The following PROM1 variants were observed in gnomAD, a reference collection of about 807,000 sequenced individuals.
PROM1 encodes prominin-1.
PROM1 carries 105 observed loss-of-function variants against 116.9 expected under a neutral mutation model. The observed-to-expected ratio is 0.90, with a 90% CI of 0.77 to 1.06. The LOEUF (loss-of-function observed/expected upper bound fraction) is 1.06, where lower values mean the gene tolerates loss of function less well. Among genes scored for constraint, PROM1 ranks in the 50% least tolerant of loss-of-function variants. The pLI is 0.00. For synonymous variants in PROM1, 393 were observed against 387.0 expected (o/e 1.02, Z -0.18); for missense variants, 1,122 against 1,045.2 (o/e 1.07, Z -1.01).
chr4:15,998,529 C>A lies in PROM1; in HGVS notation c.1579-41G>T, dbSNP rs376574545. 6.7e-6 allele frequency: 10 copies of A among 1,502,858 alleles called. No individual in the cohort carries two copies. In the African/African-American group the frequency reaches 1.1e-4, roughly 17 times the overall value. 93.1% of individuals were successfully genotyped at this position (1,502,858 alleles called of 1,614,324 possible). Reference sequence around the variant, plus strand: ...AAGTATTTTCGAAAAATCAGTTTTACACTAACATACATACTAATATAATAA... The same window carrying A: ...AAGTATTTTCGAAAAATCAGTTTTAAACTAACATACATACTAATATAATAA... On this transcript the variant is annotated intron_variant, in intron 14 of 27. Transcript: ENST00000447510.
chr4:16,055,147 G>A (rs1301505434), intron 2 of PROM1: 1 of 274,002 alleles, frequency 3.6e-6, no homozygotes, highest in Non-Finnish European at 7.4e-6. Context: ...CCCCAAATGA[G>A]ACATCTAAAT....
At chr4:15,988,028 C>T (rs1176904758) in intron 19 of PROM1, among the ~76,000 whole-genome samples, 1 of 152,142 alleles carries the variant, frequency 6.6e-6, no homozygotes, top group Non-Finnish European at 1.5e-5. Context: ...AGGCGTCCTC[C>T]ACCACGCCCG....
At chr4:16,022,833 T>C (rs1472882055) in intron 8 of PROM1, among the ~76,000 whole-genome samples, 4 of 152,198 alleles carry the variant, frequency 2.6e-5, no homozygotes, top group African/African-American at 9.6e-5. Context: ...TAAGTTTCTC[T>C]TTCAGGAAGG....
intron 1 of PROM1, among the ~76,000 whole-genome samples, chr4:16,078,676 C>T (rs144510068): frequency 4.6e-5 from 7 of 152,250 alleles, no homozygotes; most frequent in African/African-American, 7.2e-5. Flanking sequence ...GAAACACATA[C>T]TGTAAGAAAG....
intron 13 of PROM1, 33 bp from the exon 14 acceptor site, chr4:16,000,652 A>G: frequency 6.7e-7 from 1 of 1,500,390 alleles, no homozygotes; most frequent in Non-Finnish European, 9.1e-7. Flanking sequence ...TAATTCAACA[A>G]AGAATGATTC....
In PROM1 at chr4:16,053,619, G is replaced by A. The variant is rs528666029; in HGVS notation, c.221-14618C>T. 1.2e-4 allele frequency among the ~76,000 whole-genome samples: 19 copies of A among 152,294 alleles called. No homozygotes were observed. In the South Asian group the frequency reaches 3.9e-3, roughly 32 times the overall value. On this transcript the variant is annotated intron_variant, in intron 2 of 27. Coordinates refer to ENST00000447510, the MANE Select transcript of PROM1 (RefSeq NM_006017.3). ...AATATTCTCTAGAAATGCACGCTGTGGTGGGAGGGAAAATGACGTTATGTT... is the reference window on the plus strand; with the variant it reads ...AATATTCTCTAGAAATGCACGCTGTAGTGGGAGGGAAAATGACGTTATGTT...
chr4:16,024,013 C>T (rs28532245), intron 7 of PROM1, among the ~76,000 whole-genome samples: 9,795 of 152,170 alleles, frequency 0.064, 685 homozygotes, highest in East Asian at 0.18. Context: ...CTTTCCCTCA[C>T]GAAGGAAATG....
chr4:16,064,766 G>A (rs11939740), intron 2 of PROM1, among the ~76,000 whole-genome samples: 2,531 of 152,038 alleles, frequency 0.017, 55 homozygotes, highest in African/African-American at 0.051. Flanking sequence ...GGTGGCGGGC[G>A]CCTGTAATCC....
At chr4:16,063,952 A>G (rs2149523966) in intron 2 of PROM1, among the ~76,000 whole-genome samples, 1 of 152,298 alleles carries the variant, frequency 6.6e-6, no homozygotes, top group East Asian at 1.9e-4. Context: ...TGAGTGATGG[A>G]TAAACAGGGA....
Position 15,984,349 on chromosome 4 carries a change from C to T in PROM1, c.2287G>A (p.Glu763Lys). The change falls in exon 23 of 28, where the codon GAG (glutamate) becomes AAG (lysine). Residue 763 changes from glutamate to lysine, a missense_variant. Transcript: ENST00000447510. Reference sequence around the variant, plus strand: ...ACAGGTTTGCACGATGCCACTTTCTCACTGATCTAGGGGGGTGGAAACACA... The same window carrying T: ...ACAGGTTTGCACGATGCCACTTTCTTACTGATCTAGGGGGGTGGAAACACA... Reference protein sequence around the residue: ...YLQWIEFSISEKVASCKPVAT... With the variant: ...YLQWIEFSISKKVASCKPVAT... 6.3e-7 allele frequency: 1 copy of T among 1,590,028 alleles called. No homozygotes were observed. Among genetic ancestry groups the T allele is most frequent in the Non-Finnish European group, 8.6e-7 (1 of 1,166,574 alleles).
chr4:15,998,409 T>A lies in PROM1; in HGVS notation c.1658A>T (p.Lys553Met). 1 of 1,604,862 alleles carries A rather than the reference T, an allele frequency of 6.2e-7. No homozygotes were observed. The highest frequency in any genetic ancestry group is 8.5e-7 in the Non-Finnish European group (1 of 1,177,350). ...CCTGTAAACTTGTTCAAAAGTGAGC[T>A]TCATTTTTGATTTATTAAATAGCTT... ...SGKLFNKSKM[K>M]LTFEQVYSDC... The change falls in exon 15 of 28, where the codon AAG becomes ATG. Residue 553 changes from lysine to methionine, a missense_variant. Physicochemically the swap from Lys to Met is moderately conservative, Grantham distance 95 (BLOSUM62 -1). Coordinates refer to ENST00000447510, the MANE Select transcript of PROM1 (RefSeq NM_006017.3).
At chr4:16,066,064 T>C (rs1741461471) in intron 2 of PROM1, among the ~76,000 whole-genome samples, 1 of 152,150 alleles carries the variant, frequency 6.6e-6, no homozygotes, top group Non-Finnish European at 1.5e-5. Context: ...GCAAGGAAGA[T>C]TGTCCTCCAG....
chr4:16,033,220 T>C, intron 5 of PROM1, 84 bp downstream of exon 5: 1 of 1,253,298 alleles, frequency 8.0e-7, no homozygotes, highest in South Asian at 1.6e-5. Flanking sequence ...TGTTTAGTTT[T>C]AAACTCATGG....
intron 13 of PROM1, among the ~76,000 whole-genome samples, chr4:16,002,947 T>C (rs551150186): frequency 6.6e-6 from 1 of 151,914 alleles, no homozygotes; most frequent in South Asian, 2.1e-4. Flanking sequence ...AGGGGGAGAA[T>C]AAGAGTAAGA....
At position 15,986,005 on chromosome 4, in the gene PROM1, A is replaced by T; in HGVS notation, c.2163T>A (p.Asp721Glu). ...ERVTRILASL[D>E]FAQNFITNNT... The stretch of plus-strand genomic sequence containing the variant: ...TGTTTGTGATGAAGTTCTGAGCAAA[A>T]TCCAGAGAAGCTAGAATCCTAGTTA... The change falls in exon 21 of 28, where the codon GAT becomes GAA. Residue 721 changes from aspartate (D) to glutamate (E), a missense_variant. Transcript: ENST00000447510. 6.3e-7 allele frequency: 1 copy of T among 1,583,496 alleles called. No homozygotes were observed. Among genetic ancestry groups the T allele is most frequent in the Non-Finnish European group, 8.6e-7 (1 of 1,159,680 alleles).
chr4:16,018,973 T>C (rs1174676334), intron 8 of PROM1, among the ~76,000 whole-genome samples: 1 of 152,210 alleles, frequency 6.6e-6, no homozygotes, highest in Non-Finnish European at 1.5e-5. Context: ...GAATCAAAAC[T>C]AGCACAGTAG....
intron 8 of PROM1, among the ~76,000 whole-genome samples, chr4:16,022,161 GAGGA>G (rs1046535654): frequency 4.4e-4 from 63 of 143,360 alleles, no homozygotes; most frequent in African/African-American, 1.3e-3. Flanking sequence ...GGGAGGGAGG[GAGGA>G]AGGAAAGAAA....
rs777673930 is a variant in PROM1 at position 16,035,734 on chromosome 4, C to A, written c.303+1G>T. On this transcript the variant is annotated splice_donor_variant, in intron 4 of 27. Transcript: ENST00000447510. LOFTEE classifies it high-confidence loss of function. ...CTTGAAATAGCAGACAAGGACTTTA[C>A]CTTTAGACCTAAGATTACAGTTTCT... 1.4e-5 allele frequency: 23 copies of A among 1,612,954 alleles called. No individual in the cohort carries two copies. Among genetic ancestry groups the A allele is most frequent in the Non-Finnish European group, 1.8e-5 (21 of 1,179,102 alleles).
At chr4:15,982,323 C>A (rs1204510046) in intron 23 of PROM1, among the ~76,000 whole-genome samples, 1 of 152,190 alleles carries the variant, frequency 6.6e-6, no homozygotes, top group East Asian at 1.9e-4. Flanking sequence ...AGAGGTGGCA[C>A]CACCTCTTGG....
Sources: gnomAD v4.1 joint callset for allele counts (sites outside exome capture counted in the v4.1 genomes callset) on GRCh38, gnomAD v4.1.1 for gene constraint, MANE v1.5 for transcripts, NCBI Gene and HGNC (gene_info 2026-07-23, HGNC 2026-07-21) for gene names.